Variants in STK39 observed in about 807,000 individuals in gnomAD.
The protein encoded by STK39 is STE20/SPS1-related proline-alanine-rich protein kinase.
A neutral mutation model predicts 77.8 loss-of-function variants in STK39; 20 were observed. That is an observed-to-expected ratio of 0.26 (90% confidence interval 0.18 to 0.37). The LOEUF is 0.37. Among genes scored for constraint, STK39 ranks in the 10% least tolerant of loss-of-function variants. STK39 has a pLI of 1.00. For missense variants in STK39, 479 were observed against 656.5 expected (o/e 0.73, Z 2.95); for synonymous variants, 246 against 234.1 (o/e 1.05, Z -0.47).
chr2:168,132,716 A>G (rs888557548), intron 8 of STK39, among the ~76,000 whole-genome samples: 1 of 152,102 alleles, frequency 6.6e-6, no homozygotes, highest in African/African-American at 2.4e-5. Context: ...AGTGGCACTC[A>G]TGCACCATGC....
intron 16 of STK39, among the ~76,000 whole-genome samples, chr2:168,005,036 C>T (rs538465905): frequency 3.1e-5 from 4 of 128,824 alleles, no homozygotes; most frequent in Non-Finnish European, 3.1e-5. Context: ...GACAGAGTCT[C>T]GCTCTGTCGC....
chr2:168,128,754 A>G (rs1210506891), intron 10 of STK39, among the ~76,000 whole-genome samples: 2 of 152,220 alleles, frequency 1.3e-5, no homozygotes, highest in Non-Finnish European at 2.9e-5. Context: ...TTTCTTTGCC[A>G]TTTTTATTTA....
intron 1 of STK39, among the ~76,000 whole-genome samples, chr2:168,210,292 G>A (rs561431106): frequency 5.3e-5 from 8 of 152,226 alleles, no homozygotes; most frequent in Non-Finnish European, 1.0e-4. Flanking sequence ...CCAAAGAATT[G>A]CAATGCAAAT....
At chr2:168,169,882 AG>A (rs1397990921) in intron 2 of STK39, among the ~76,000 whole-genome samples, 1 of 152,176 alleles carries the variant, frequency 6.6e-6, no homozygotes, top group Non-Finnish European at 1.5e-5. Context: ...GCTTTCCATC[AG>A]TTTGATCACT....
chr2:168,011,628 T>G (rs75256913), intron 16 of STK39, among the ~76,000 whole-genome samples: 3,928 of 152,274 alleles, frequency 0.026, 189 homozygotes, highest in African/African-American at 0.087. Context: ...GTCTGCCTCT[T>G]AGAGCTTTTC....
At chr2:168,002,706 T>C (rs1684031816) in intron 16 of STK39, among the ~76,000 whole-genome samples, 1 of 152,260 alleles carries the variant, frequency 6.6e-6, no homozygotes, top group Non-Finnish European at 1.5e-5. Context: ...AAGAATTCTA[T>C]GCATTTTACT....
At chr2:168,200,221 G>A (rs1222095831) in intron 1 of STK39, among the ~76,000 whole-genome samples, 1 of 152,132 alleles carries the variant, frequency 6.6e-6, no homozygotes. Context: ...CAAGTGATTA[G>A]ACAAAAACAT....
At chr2:168,128,935 C>A (rs1276971406) in intron 10 of STK39, among the ~76,000 whole-genome samples, 1 of 151,956 alleles carries the variant, frequency 6.6e-6, no homozygotes, top group African/African-American at 2.4e-5. Flanking sequence ...AGGTTTCATA[C>A]CACAATGAAA....
At chr2:168,147,650 T>C (rs148224937) in intron 5 of STK39, among the ~76,000 whole-genome samples, 56 of 151,590 alleles carry the variant, frequency 3.7e-4, no homozygotes, top group African/African-American at 1.3e-3. Flanking sequence ...GCTAACAGAG[T>C]TTTGATTTAG....
intron 16 of STK39, among the ~76,000 whole-genome samples, chr2:168,012,069 G>C (rs186542225): frequency 6.6e-5 from 10 of 152,044 alleles, no homozygotes; most frequent in Admixed American, 2.0e-4. Context: ...ATGGACTTTT[G>C]GGTCTTCTAA....
chr2:168,013,396 T>C (rs1026547936), intron 15 of STK39, among the ~76,000 whole-genome samples: 1 of 152,210 alleles, frequency 6.6e-6, no homozygotes, highest in Non-Finnish European at 1.5e-5. Flanking sequence ...AGGTTACGAA[T>C]GAACATGATC....
intron 14 of STK39, among the ~76,000 whole-genome samples, chr2:168,059,761 G>T (rs1376017913): frequency 6.6e-6 from 1 of 152,190 alleles, no homozygotes; most frequent in Non-Finnish European, 1.5e-5. Flanking sequence ...CACAGCAACA[G>T]AAATCTAATA....
intron 10 of STK39, among the ~76,000 whole-genome samples, chr2:168,116,018 T>C (rs1413855133): frequency 6.6e-6 from 1 of 152,206 alleles, no homozygotes; most frequent in East Asian, 1.9e-4. Context: ...CACTCAAGGT[T>C]ACCCCATGAG....
At chr2:168,170,943 G>A (rs1165034678) in intron 2 of STK39, among the ~76,000 whole-genome samples, 3 of 152,314 alleles carry the variant, frequency 2.0e-5, no homozygotes, top group South Asian at 2.1e-4. Flanking sequence ...AAAATCCCAC[G>A]AGGTCAAAGA....
chr2:167,963,427 G>C (rs574966227), intron 17 of STK39, among the ~76,000 whole-genome samples: 1 of 151,636 alleles, frequency 6.6e-6, no homozygotes, highest in Admixed American at 6.6e-5. Flanking sequence ...TTAGGAAAAT[G>C]TTCTTGAGGT....
intron 5 of STK39, among the ~76,000 whole-genome samples, chr2:168,161,281 T>C (rs1216323704): frequency 6.6e-6 from 1 of 152,210 alleles, no homozygotes; most frequent in Non-Finnish European, 1.5e-5. Context: ...TGTGTGTTCA[T>C]GTAAAAGACA....
intron 10 of STK39, among the ~76,000 whole-genome samples, chr2:168,076,527 G>T (rs1008327992): frequency 6.6e-6 from 1 of 152,128 alleles, no homozygotes; most frequent in African/African-American, 2.4e-5. Flanking sequence ...CATAAAAAAT[G>T]CATGCTAGGG....
At chr2:168,116,792 T>C (rs957434382) in intron 10 of STK39, among the ~76,000 whole-genome samples, 1 of 152,222 alleles carries the variant, frequency 6.6e-6, no homozygotes, top group Non-Finnish European at 1.5e-5. Context: ...TTCCTTCACC[T>C]TCCCTACTCC....
chr2:168,151,407 A>G (rs1301055764), intron 5 of STK39, among the ~76,000 whole-genome samples: 3 of 152,194 alleles, frequency 2.0e-5, no homozygotes, highest in Admixed American at 2.0e-4. Context: ...TGCACCTTCT[A>G]CAAGGAATCA....
Sources: allele counts gnomAD v4.1 joint callset (sites outside exome capture counted in the v4.1 genomes callset), GRCh38; gene constraint gnomAD v4.1.1; transcripts MANE v1.5; gene names NCBI Gene and HGNC (gene_info 2026-07-23, HGNC 2026-07-21).